Variants in TAOK3 observed in about 807,000 individuals in gnomAD.
The protein encoded by TAOK3 is TAO kinase 3.
In TAOK3, 40 loss-of-function variants were observed where a neutral mutation model predicts 120.4. That is an observed-to-expected ratio of 0.33 (90% confidence interval 0.26 to 0.43). The LOEUF (loss-of-function observed/expected upper bound fraction) is 0.43. TAOK3 is among the 20% of genes least tolerant of loss of function. The pLI is 1.00. For synonymous variants in TAOK3, 355 were observed against 387.5 expected, an observed-to-expected ratio of 0.92 and a Z score of 0.99; for missense variants, 821 against 1,112.1, an observed-to-expected ratio of 0.74 and a Z score of 3.72.
chr12:118,353,832 T>C (rs764297857), intron 1 of TAOK3, among the ~76,000 whole-genome samples: 7 of 152,192 alleles, frequency 4.6e-5, no homozygotes, highest in Non-Finnish European at 7.3e-5. Context: ...CCTGAAATTT[T>C]AAACACTAAA....
intron 14 of TAOK3, among the ~76,000 whole-genome samples, chr12:118,182,623 A>ATATATATTTTTTT (rs371125415): frequency 5.4e-5 from 5 of 92,416 alleles, no homozygotes; most frequent in African/African-American, 2.0e-4. Flanking sequence ...ATATATATAT[A>ATATATATTTTTTT]TTTTTTTTTT....
At chr12:118,157,006 C>T (rs1262960620) in intron 19 of TAOK3, among the ~76,000 whole-genome samples, 1 of 152,156 alleles carries the variant, frequency 6.6e-6, no homozygotes, top group Non-Finnish European at 1.5e-5. Context: ...TCCCAAAGTG[C>T]TAGGATTACA....
At chr12:118,163,431 G>T (rs1469597258) in intron 17 of TAOK3, among the ~76,000 whole-genome samples, 1 of 129,684 alleles carries the variant, frequency 7.7e-6, no homozygotes, top group Non-Finnish European at 1.6e-5. Flanking sequence ...AATTAATACA[G>T]GGACATACTT....
Position 118,294,053 on chromosome 12 carries a change from G to C in TAOK3, c.-193-27294C>G, listed in dbSNP as rs1049907225. Among the ~76,000 whole-genome samples the C allele has an allele frequency of 1.3e-5, 2 of 152,054 alleles. 1 individual carries two copies. Among genetic ancestry groups the C allele is most frequent in the African/African-American group, 4.8e-5 (2 of 41,410 alleles). On this transcript the variant is annotated intron_variant, in intron 1 of 20. Transcript: ENST00000392533. ...GAAGAAGGCTGTTATAACTGAGGTG[G>C]TGTCATGAACCAAGTAGACAGCAGT...
At chr12:118,179,808 C>A (rs2036585252) in intron 15 of TAOK3, among the ~76,000 whole-genome samples, 1 of 151,922 alleles carries the variant, frequency 6.6e-6, no homozygotes, top group African/African-American at 2.4e-5. Context: ...CCATGCCCAG[C>A]TAATTTTTTG....
At chr12:118,177,165 T>A in intron 16 of TAOK3, 36 bp downstream of exon 16, 1 of 1,604,522 alleles carries the variant, frequency 6.2e-7, no homozygotes. Flanking sequence ...ACCATTCTAA[T>A]GGCAACTTGG....
intron 3 of TAOK3, among the ~76,000 whole-genome samples, chr12:118,254,305 ACCATCCATCCAT>A (rs374028494): frequency 1.3e-5 from 2 of 151,688 alleles, no homozygotes; most frequent in South Asian, 2.1e-4. Context: ...CTGTCTATCC[ACCATCCATCCAT>A]CCATCCATCC....
chr12:118,278,711 G>A (rs765116704), intron 1 of TAOK3, among the ~76,000 whole-genome samples: 1 of 152,122 alleles, frequency 6.6e-6, no homozygotes, highest in African/African-American at 2.4e-5. Flanking sequence ...TTGAGAAATC[G>A]CCAAACTGCT....
Position 118,308,596 on chromosome 12 carries a change from G to A in TAOK3, c.-193-41837C>T, listed in dbSNP as rs17619835. Among the ~76,000 whole-genome samples, 428 of 152,158 alleles carry A rather than the reference G, an allele frequency of 2.8e-3. 8 individuals are homozygous for A. In the East Asian group the frequency reaches 0.054, roughly 19 times the overall value. On this transcript the variant is annotated intron_variant, in intron 1 of 20. Transcript: ENST00000392533. ...AGTACTTCTACCTGGCAAGGGTGCT[G>A]CCCAAAAATGGTCTTGGGAGAATGT... is the stretch of plus-strand genomic sequence containing the variant.
intron 2 of TAOK3, among the ~76,000 whole-genome samples, chr12:118,265,156 C>A (rs1194834031): frequency 6.7e-6 from 1 of 148,310 alleles, no homozygotes; most frequent in Admixed American, 6.8e-5. Context: ...TTTGGGAGGC[C>A]GAGGAGGGCA....
At chr12:118,203,927 T>A (rs2038160882) in intron 11 of TAOK3, among the ~76,000 whole-genome samples, 1 of 152,160 alleles carries the variant, frequency 6.6e-6, no homozygotes. Flanking sequence ...ATATAGCCCC[T>A]TTTATGCCTC....
intron 2 of TAOK3, among the ~76,000 whole-genome samples, chr12:118,265,615 G>A (rs1341384711): frequency 6.6e-6 from 1 of 152,036 alleles, no homozygotes; most frequent in Non-Finnish European, 1.5e-5. Flanking sequence ...CAAATAAGAG[G>A]AAAAAATATA....
chr12:118,167,378 C>T (rs938228946), intron 17 of TAOK3, among the ~76,000 whole-genome samples: 2 of 151,390 alleles, frequency 1.3e-5, no homozygotes, highest in Non-Finnish European at 2.9e-5. Context: ...ATTCCACTTC[C>T]GAAAATGTAT....
intron 1 of TAOK3, among the ~76,000 whole-genome samples, chr12:118,352,297 T>C (rs1159105292): frequency 6.6e-6 from 1 of 151,866 alleles, no homozygotes; most frequent in Non-Finnish European, 1.5e-5. Flanking sequence ...TGAGGTCAGG[T>C]GTTCGACACC....
chr12:118,314,738 C>A (rs1043340682), intron 1 of TAOK3, among the ~76,000 whole-genome samples: 1 of 152,110 alleles, frequency 6.6e-6, no homozygotes, highest in East Asian at 1.9e-4. Flanking sequence ...GAGCTGATAT[C>A]CCATCCTGTA....
intron 2 of TAOK3, among the ~76,000 whole-genome samples, chr12:118,262,192 T>C (rs2041257303): frequency 6.6e-6 from 1 of 151,870 alleles, no homozygotes; most frequent in Non-Finnish European, 1.5e-5. Flanking sequence ...TATAAATAAA[T>C]GAAAATCAAG....
chr12:118,368,431 C>G lies in TAOK3; in HGVS notation c.-194+4217G>C, dbSNP rs536323650. 3.9e-5 allele frequency among the ~76,000 whole-genome samples: 6 copies of G among 151,922 alleles called. No homozygotes were observed. The East Asian group carries it at 9.9e-4, about 25-fold the overall frequency. ...TAGGCTGGTCTCGAATTCCTGACTT[C>G]AGGTGATTCACCCGCCTTGGCCTTC... On this transcript the variant is annotated intron_variant, in intron 1 of 20. Coordinates refer to ENST00000392533, the MANE Select transcript of TAOK3 (RefSeq NM_016281.4).
At chr12:118,246,402 T>C in intron 3 of TAOK3, 1 of 1,537,014 alleles carries the variant, frequency 6.5e-7, no homozygotes, top group East Asian at 2.3e-5. Flanking sequence ...GGATGAGGTT[T>C]TGAAGATTAT....
chr12:118,243,977 C>T (rs1338831610), intron 4 of TAOK3, among the ~76,000 whole-genome samples: 1 of 152,162 alleles, frequency 6.6e-6, no homozygotes, highest in East Asian at 1.9e-4. Flanking sequence ...CTGTGCCCGG[C>T]CTAAACATGC....
Sources: gnomAD v4.1 joint callset for allele counts (sites outside exome capture counted in the v4.1 genomes callset) on GRCh38, gnomAD v4.1.1 for gene constraint, MANE v1.5 for transcripts, NCBI Gene and HGNC (gene_info 2026-07-23, HGNC 2026-07-21) for gene names.